MARCHF3: variants seen among roughly 807,000 people sequenced by gnomAD.
MARCHF3 encodes membrane associated ring-CH-type finger 3, also known as E3 ubiquitin-protein ligase MARCHF3.
A neutral mutation model predicts 24.2 loss-of-function variants in MARCHF3; 13 were observed. That is an observed-to-expected ratio of 0.54 (90% CI 0.35 to 0.85). The LOEUF (loss-of-function observed/expected upper bound fraction) is 0.85, where lower values mean the gene tolerates loss of function less well. Among genes scored for constraint, MARCHF3 ranks in the 40% least tolerant of loss-of-function variants. MARCHF3 has a pLI of 0.01. For synonymous variants in MARCHF3, 144 were observed against 137.3 expected (o/e 1.05, Z -0.34); for missense variants, 276 against 325.0 (o/e 0.85, Z 1.16).
In MARCHF3 at chr5:126,868,282, G is replaced by T. The variant is rs1021294105; in HGVS notation, c.*2351C>A. The stretch of plus-strand genomic sequence containing the variant: ...AGAATCCCCTATGGGCCCTGATGCT[G>T]ATGGAGATCAGAGCCTCTCACAAGG... On this transcript the variant is annotated 3_prime_UTR_variant, in exon 5 of 5. Transcript: ENST00000308660. 36 of 152,206 alleles carry T rather than the reference G, an allele frequency of 2.4e-4. No individual in the cohort carries two copies. Among genetic ancestry groups the T allele is most frequent in the African/African-American group, 8.4e-4 (35 of 41,426 alleles). The allele number at this position is 152,206 out of a possible 1,614,324, so 9.4% of individuals were successfully genotyped here. A position where few individuals can be genotyped will look rare whatever the true frequency, so the allele number is the denominator to read the frequency against.
At chr5:127,030,058 C>T (rs1753129211) in intron 1 of MARCHF3, 1 of 152,222 alleles carries the variant, frequency 6.6e-6, no homozygotes. Context: ...CCCAGCGCTC[C>T]ATGTCGTTGC....
rs56680101 is a variant in MARCHF3, at chr5:126,902,035, ATTGT to A, written c.393+12891_393+12894del. Among the ~76,000 whole-genome samples the A allele has an allele frequency of 8.4e-3, 1,275 of 152,222 alleles. 24 individuals are homozygous for A. The highest frequency in any genetic ancestry group is 0.025 in the East Asian group (132 of 5,178). On this transcript the variant is annotated intron_variant, in intron 3 of 4. Transcript: ENST00000308660. ...ATAGCTGTCAACATTTGCTGTACTA[ATTGT>A]TTGTACATTTGGAGTTAGCTGAAAG...
chr5:127,028,378 T>G (rs1753068461), intron 1 of MARCHF3, among the ~76,000 whole-genome samples: 1 of 152,212 alleles, frequency 6.6e-6, no homozygotes, highest in South Asian at 2.1e-4. Context: ...TCATCAGAAT[T>G]TTTGTGATAA....
At position 126,871,089 on chromosome 5, in the gene MARCHF3, G is replaced by A. The variant is rs189095923; in HGVS notation, c.604-298C>T. Among the ~76,000 whole-genome samples the A allele has an allele frequency of 2.6e-5, 4 of 152,308 alleles. No homozygotes were observed. In the East Asian group the frequency reaches 7.7e-4, roughly 29 times the overall value. On this transcript the variant is annotated intron_variant, in intron 4 of 4. Transcript: ENST00000308660. ...GGAAAATGAGGTTATTTCTGAGTTT[G>A]GATTTATTTTCGGACTAGTGGTGGA...
intron 3 of MARCHF3, among the ~76,000 whole-genome samples, chr5:126,885,362 G>C (rs1753475574): frequency 6.6e-6 from 1 of 152,180 alleles, no homozygotes; most frequent in Non-Finnish European, 1.5e-5. Context: ...GAGGGCAGGA[G>C]TTTGAGACCA....
intron 1 of MARCHF3, among the ~76,000 whole-genome samples, chr5:126,923,324 T>A (rs1030543535): frequency 6.6e-6 from 1 of 152,250 alleles, no homozygotes; most frequent in Non-Finnish European, 1.5e-5. Flanking sequence ...TCAGGCCTAC[T>A]TGTATCAGAA....
In MARCHF3 at chr5:126,898,886, T is replaced by C. The variant is rs1272281380; in HGVS notation, c.393+16044A>G. On this transcript the variant is annotated intron_variant, in intron 3 of 4. Coordinates refer to ENST00000308660, the MANE Select transcript of MARCHF3 (RefSeq NM_178450.5). ...GAGTAGAAAACATTTCATTTTCTTC[T>C]TGTAATCTGACTTCAATCTTCACAA... The C allele has an allele frequency of 5.1e-6, 5 of 985,038 alleles. No individual in the cohort carries two copies. In the African/African-American group the frequency reaches 8.7e-5, roughly 17 times the overall value. The allele number at this position is 985,038 out of a possible 1,614,324, so 61.0% of individuals were successfully genotyped here. A position where few individuals can be genotyped will look rare whatever the true frequency, so the allele number is the denominator to read the frequency against.
chr5:126,922,384 A>T (rs1433259365), intron 1 of MARCHF3, among the ~76,000 whole-genome samples: 1 of 152,172 alleles, frequency 6.6e-6, no homozygotes, highest in African/African-American at 2.4e-5. Flanking sequence ...GAGGTCTAAA[A>T]CAAGATAATA....
At chr5:127,011,346 A>C (rs1580485522) in intron 1 of MARCHF3, among the ~76,000 whole-genome samples, 1 of 151,976 alleles carries the variant, frequency 6.6e-6, no homozygotes, top group Admixed American at 6.6e-5. Context: ...GCCTCCACCT[A>C]CTCATCCAAA....
intron 4 of MARCHF3, among the ~76,000 whole-genome samples, chr5:126,877,704 C>A (rs541458850): frequency 6.6e-6 from 1 of 152,136 alleles, no homozygotes; most frequent in Non-Finnish European, 1.5e-5. Context: ...TGCGGCTCCA[C>A]GTCCAACAAA....
At chr5:126,909,355 A>C (rs900717459) in intron 3 of MARCHF3, among the ~76,000 whole-genome samples, 2 of 152,184 alleles carry the variant, frequency 1.3e-5, no homozygotes, top group Non-Finnish European at 2.9e-5. Flanking sequence ...CACCCAGTTC[A>C]AGCTTCCCGG....
intron 1 of MARCHF3, among the ~76,000 whole-genome samples, chr5:126,993,567 T>C (rs1008672136): frequency 6.6e-6 from 1 of 152,166 alleles, no homozygotes; most frequent in Non-Finnish European, 1.5e-5. Flanking sequence ...CGGAAATAAC[T>C]ATGTGGCTCA....
intron 1 of MARCHF3, among the ~76,000 whole-genome samples, chr5:126,950,927 T>C (rs150868378): frequency 1.3e-5 from 2 of 152,298 alleles, no homozygotes; most frequent in African/African-American, 2.4e-5. Flanking sequence ...TTGATCAGTT[T>C]TGACATATGT....
intron 3 of MARCHF3, among the ~76,000 whole-genome samples, chr5:126,906,074 C>G (rs1754282246): frequency 6.6e-6 from 1 of 150,578 alleles, no homozygotes; most frequent in Non-Finnish European, 1.5e-5. Flanking sequence ...TTGAGATAAT[C>G]ATGTGGTTTT....
intron 2 of MARCHF3, among the ~76,000 whole-genome samples, chr5:126,917,227 T>C (rs1025571431): frequency 2.0e-5 from 3 of 152,176 alleles, no homozygotes; most frequent in African/African-American, 7.2e-5. Flanking sequence ...TTAACCATTC[T>C]GAGAAAAAGC....
At chr5:126,986,229 G>GTGCT (rs1343444461) in intron 1 of MARCHF3, among the ~76,000 whole-genome samples, 3 of 152,166 alleles carry the variant, frequency 2.0e-5, no homozygotes, top group South Asian at 4.1e-4. Context: ...GGGCCCAAGT[G>GTGCT]TGCTACCCAA....
chr5:126,895,967 C>T (rs1035639667), intron 3 of MARCHF3, among the ~76,000 whole-genome samples: 1 of 152,126 alleles, frequency 6.6e-6, no homozygotes, highest in Non-Finnish European at 1.5e-5. Context: ...CAGCGAGAAT[C>T]CGTGGGTGTA....
chr5:126,967,395 A>C (rs1459020531), intron 1 of MARCHF3, among the ~76,000 whole-genome samples: 1 of 152,176 alleles, frequency 6.6e-6, no homozygotes, highest in Non-Finnish European at 1.5e-5. Flanking sequence ...CCTGCTTCAA[A>C]AATACTCAAC....
intron 3 of MARCHF3, among the ~76,000 whole-genome samples, chr5:126,896,334 A>G (rs1057228745): frequency 1.3e-5 from 2 of 152,050 alleles, no homozygotes; most frequent in Non-Finnish European, 2.9e-5. Context: ...GGCTCCTCCC[A>G]GAAAAGACAT....
Sources: allele counts gnomAD v4.1 joint callset (sites outside exome capture counted in the v4.1 genomes callset), GRCh38; gene constraint gnomAD v4.1.1; transcripts MANE v1.5; gene names NCBI Gene and HGNC (gene_info 2026-07-23, HGNC 2026-07-21).